Variants in SGCZ observed in about 807,000 individuals in gnomAD.
The protein encoded by SGCZ is zeta-sarcoglycan.
Under a neutral mutation model 41.3 loss-of-function variants are expected in SGCZ, and 40 were observed. That is an observed-to-expected ratio of 0.97 (90% CI 0.75 to 1.26). The LOEUF (loss-of-function observed/expected upper bound fraction) is 1.26. Ranked by LOEUF, SGCZ falls within the 50% of genes most tolerant of loss-of-function variation. The probability of loss-of-function intolerance (pLI) is 0.00; values close to 1 mark genes in which losing one functional copy is unlikely to be tolerated. For missense variants in SGCZ, 552 were observed against 369.8 expected (o/e 1.49, Z -4.04); for synonymous variants, 206 against 137.5 (o/e 1.50, Z -3.49).
chr8:14,554,971 A>G, intron 1 of SGCZ, 45 bp from the exon 2 acceptor site: 1 of 1,476,764 alleles, frequency 6.8e-7, no homozygotes, highest in Non-Finnish European at 9.1e-7. Flanking sequence ...AAAAAAAAAG[A>G]AGCATTAAAA....
intron 1 of SGCZ, among the ~76,000 whole-genome samples, chr8:14,635,026 A>T (rs1018093063): frequency 4.0e-5 from 6 of 151,432 alleles, no homozygotes; most frequent in Admixed American, 6.6e-5. Context: ...TTTTAGTAGT[A>T]TGTATTATTA....
intron 2 of SGCZ, among the ~76,000 whole-genome samples, chr8:14,364,404 T>A (rs1430078379): frequency 6.6e-6 from 1 of 152,166 alleles, no homozygotes; most frequent in South Asian, 2.1e-4. Context: ...TCATGGGAAA[T>A]GTATATTCTT....
At chr8:14,105,215 T>C (rs1802165772) in intron 6 of SGCZ, among the ~76,000 whole-genome samples, 1 of 151,986 alleles carries the variant, frequency 6.6e-6, no homozygotes, top group South Asian at 2.1e-4. Context: ...AAAATGCACA[T>C]GGAAACTAGC....
intron 3 of SGCZ, among the ~76,000 whole-genome samples, chr8:14,280,038 T>C (rs899859000): frequency 2.6e-5 from 4 of 151,996 alleles, no homozygotes; most frequent in Non-Finnish European, 4.4e-5. Flanking sequence ...GAGTCAAATA[T>C]AGATTTCTGA....
intron 4 of SGCZ, among the ~76,000 whole-genome samples, chr8:14,195,386 A>C (rs553006161): frequency 1.3e-5 from 2 of 152,260 alleles, no homozygotes; most frequent in South Asian, 2.1e-4. Flanking sequence ...TTAGAATAAA[A>C]AAATGAGAAT....
At chr8:14,352,795 C>G (rs1425397905) in intron 2 of SGCZ, among the ~76,000 whole-genome samples, 1 of 152,176 alleles carries the variant, frequency 6.6e-6, no homozygotes, top group South Asian at 2.1e-4. Flanking sequence ...CAGTCCTATC[C>G]AGGTTCCTCC....
intron 1 of SGCZ, among the ~76,000 whole-genome samples, chr8:15,226,697 C>G (rs778694929): frequency 3.3e-5 from 5 of 152,146 alleles, no homozygotes; most frequent in Admixed American, 6.5e-5. Flanking sequence ...CCAAACCCAC[C>G]CTGAACACTA....
At chr8:15,134,717 C>G (rs568249584) in intron 1 of SGCZ, among the ~76,000 whole-genome samples, 1 of 152,156 alleles carries the variant, frequency 6.6e-6, no homozygotes, top group Non-Finnish European at 1.5e-5. Context: ...CTATGACACA[C>G]TTGTGTTTGA....
At chr8:14,249,266 G>T (rs1431465669) in intron 3 of SGCZ, among the ~76,000 whole-genome samples, 1 of 152,198 alleles carries the variant, frequency 6.6e-6, no homozygotes, top group African/African-American at 2.4e-5. Flanking sequence ...CAGATCAGGA[G>T]TGGAACTTAC....
At chr8:14,956,254 G>T (rs1221032690) in intron 1 of SGCZ, among the ~76,000 whole-genome samples, 1 of 151,754 alleles carries the variant, frequency 6.6e-6, no homozygotes, top group African/African-American at 2.4e-5. Flanking sequence ...TGGCCAGCAT[G>T]GTCTTGATCT....
At chr8:15,214,137 A>G (rs941998283) in intron 1 of SGCZ, among the ~76,000 whole-genome samples, 2 of 152,072 alleles carry the variant, frequency 1.3e-5, no homozygotes, top group African/African-American at 4.8e-5. Flanking sequence ...AAAAACATCA[A>G]TTTTTATATA....
chr8:14,287,101 T>A (rs1392888171), intron 3 of SGCZ, among the ~76,000 whole-genome samples: 1 of 151,054 alleles, frequency 6.6e-6, no homozygotes, highest in East Asian at 1.9e-4. Context: ...AATTGTCACA[T>A]AAGTATATAA....
chr8:14,941,678 G>T (rs963380859), intron 1 of SGCZ, among the ~76,000 whole-genome samples: 4 of 151,610 alleles, frequency 2.6e-5, no homozygotes, highest in Non-Finnish European at 4.4e-5. Flanking sequence ...TGGTATTGTT[G>T]CCTATTTAGT....
At chr8:14,382,448 C>T (rs772186965) in intron 2 of SGCZ, among the ~76,000 whole-genome samples, 2 of 151,778 alleles carry the variant, frequency 1.3e-5, no homozygotes, top group Non-Finnish European at 2.9e-5. Context: ...TATCACAGAA[C>T]ATAGACCATC....
intron 1 of SGCZ, among the ~76,000 whole-genome samples, chr8:15,008,695 G>C (rs1459147921): frequency 3.6e-5 from 3 of 82,640 alleles, no homozygotes; most frequent in African/African-American, 1.5e-4. Context: ...GAGGGGAGGG[G>C]AGAGGAGAAA....
rs558326145 is a variant in SGCZ, at chr8:14,328,808, G to C, written c.235-4604C>G. Among the ~76,000 whole-genome samples, 22 of 152,246 alleles carry C rather than the reference G, an allele frequency of 1.4e-4. No homozygotes were observed. The South Asian group carries it at 4.4e-3, about 30-fold the overall frequency. ...GGTGGAGGCTTTAAGACATTATTAGGCCAGGAGGGCTCCTCCCTTGTGAAT... is the reference window on the plus strand; with the variant it reads ...GGTGGAGGCTTTAAGACATTATTAGCCCAGGAGGGCTCCTCCCTTGTGAAT... On this transcript the variant is annotated intron_variant, in intron 2 of 7. Coordinates refer to ENST00000382080, the MANE Select transcript of SGCZ (RefSeq NM_139167.4).
At position 15,200,446 on chromosome 8, in the gene SGCZ, G is replaced by C. The variant is rs188069734; in HGVS notation, c.39+37139C>G. Among the ~76,000 whole-genome samples, 187 of 152,190 alleles carry C rather than the reference G, an allele frequency of 1.2e-3. 1 individual carries two copies. The highest frequency in any genetic ancestry group is 3.4e-3 in the Middle Eastern group (1 of 294). On this transcript the variant is annotated intron_variant, in intron 1 of 7. Coordinates refer to ENST00000382080, the MANE Select transcript of SGCZ (RefSeq NM_139167.4). The stretch of plus-strand genomic sequence containing the variant: ...TCCCACTGTGAAGATAAAAGTAGAC[G>C]TGGCTGAGCTCCATGAATACTGACA...
intron 2 of SGCZ, among the ~76,000 whole-genome samples, chr8:14,397,219 G>A (rs1798944451): frequency 6.6e-6 from 1 of 152,010 alleles, no homozygotes; most frequent in Non-Finnish European, 1.5e-5. Context: ...AGATACATTA[G>A]AAATATGAGA....
chr8:15,038,971 G>T (rs919460189), intron 1 of SGCZ, among the ~76,000 whole-genome samples: 1 of 151,982 alleles, frequency 6.6e-6, no homozygotes. Context: ...TACTAAAAGG[G>T]CAAAAGATAA....
Sources: allele counts gnomAD v4.1 joint callset (sites outside exome capture counted in the v4.1 genomes callset), GRCh38; gene constraint gnomAD v4.1.1; transcripts MANE v1.5; gene names NCBI Gene and HGNC (gene_info 2026-07-23, HGNC 2026-07-21).